DVL1: variants seen among roughly 807,000 people sequenced by gnomAD.
DVL1 encodes the protein segment polarity protein dishevelled homolog DVL-1.
DVL1 carries 49 observed loss-of-function variants against 65.0 expected under a neutral mutation model. The ratio of observed to expected loss-of-function variants is 0.75; its 90% CI spans 0.60 to 0.96. DVL1 has a LOEUF of 0.96. Among genes scored for constraint, DVL1 ranks in the 40% least tolerant of loss-of-function variants. The pLI is 0.00. For synonymous variants in DVL1, 608 were observed against 433.9 expected (o/e 1.40, Z -4.99); for missense variants, 1,197 against 1,045.4 (o/e 1.15, Z -2.00).
intron 14 of DVL1, chr1:1,336,981 G>A (rs1643599159): frequency 3.0e-6 from 3 of 991,866 alleles, no homozygotes; most frequent in Non-Finnish European, 3.6e-6. Flanking sequence ...GCTGGCTGGG[G>A]ACATGCTGAG....
At chr1:1,337,929 G>A in intron 14 of DVL1, 48 bp downstream of exon 14, 1 of 1,497,388 alleles carries the variant, frequency 6.7e-7, no homozygotes, top group Non-Finnish European at 9.2e-7. Context: ...GAGTGGGGCG[G>A]AGCTGGGGGC....
chr1:1,347,519 T>C (rs1183373443), intron 1 of DVL1, among the ~76,000 whole-genome samples: 1 of 152,196 alleles, frequency 6.6e-6, no homozygotes, highest in African/African-American at 2.4e-5. Flanking sequence ...GAGCAGAACC[T>C]GGGGGCTGGG....
rs1369403039 is a variant in DVL1 at position 1,338,012 on chromosome 1, T to TA, written c.1678dup (p.Tyr560LeufsTer12). ...CTGACTCCCGGTGCTGCCGCTGCCA[T>TA]AGCTAAAGCCCGGGTCCTGGTAGGC... On this transcript the variant is annotated frameshift_variant, in exon 14 of 15. Transcript: ENST00000378888. LOFTEE classifies it low-confidence loss of function (END_TRUNC). 1 of 1,611,892 alleles carries TA rather than the reference T, an allele frequency of 6.2e-7. No individual in the cohort carries two copies.
chr1:1,349,213 C>G lies in DVL1; in HGVS notation c.-148G>C, dbSNP rs1036242591. The G allele has an allele frequency of 1.5e-5, 5 of 337,000 alleles. No individual in the cohort carries two copies. The highest frequency in any genetic ancestry group is 9.1e-5 in the African/African-American group (4 of 43,878). The allele number at this position is 337,000 out of a possible 1,614,324, so 20.9% of individuals were successfully genotyped here. ...AGGCCCCCGGGCGCCCCCGCCCGAC[C>G]GCCCAGGCCCCGGCCGCCGCCCCCG... On this transcript the variant is annotated 5_prime_UTR_variant, in exon 1 of 15. Transcript: ENST00000378888. The surrounding 1 kb of genome is among the most constrained non-coding windows in gnomAD (Gnocchi z 4.1).
intron 5 of DVL1, among the ~76,000 whole-genome samples, chr1:1,341,056 CAT>C (rs1431815972): frequency 5.3e-5 from 8 of 150,410 alleles, no homozygotes; most frequent in South Asian, 2.1e-4. Flanking sequence ...CCTGCACACA[CAT>C]GCACACCTGC....
intron 2 of DVL1, 28 bp from the exon 3 acceptor site, chr1:1,342,512 G>A (rs1173198677): frequency 6.2e-7 from 1 of 1,603,314 alleles, no homozygotes. Flanking sequence ...ATGCTCAGGG[G>A]AGCCCACCCG....
intron 3 of DVL1, 88 bp downstream of exon 3, chr1:1,342,275 T>C (rs1643860850): frequency 1.3e-6 from 2 of 1,497,102 alleles, no homozygotes; most frequent in Non-Finnish European, 1.8e-6. Flanking sequence ...GCCCGCCTAC[T>C]GGCCCAGGCA....
At position 1,342,413 on chromosome 1, in the gene DVL1, C is replaced by T. The variant is rs760489981; in HGVS notation, c.312G>A (p.Pro104=). The T allele has an allele frequency of 1.1e-5, 17 of 1,592,328 alleles. No homozygotes were observed. The Admixed American group carries it at 1.4e-4, about 13-fold the overall frequency. Residue 104 remains proline, a synonymous_variant, in exon 3 of 15, where the codon CCG becomes CCA. Coordinates refer to ENST00000378888, the MANE Select transcript of DVL1 (RefSeq NM_001330311.2). ...CGATGCCGCCTGTCCGCTCAAGAGG[C>T]GGGGGCAGGTCTGTGTGGCTGTCCG... ...QGTDSHTDLP[P]PLERTGGIGD...
At chr1:1,342,269 GC>G in intron 3 of DVL1, 93 bp downstream of exon 3, 1 of 1,494,354 alleles carries the variant, frequency 6.7e-7, no homozygotes, top group Non-Finnish European at 8.9e-7. Flanking sequence ...TGCCACGCCC[GC>G]CTACTGGCCC....
chr1:1,346,879 G>A (rs1232995031), intron 1 of DVL1, among the ~76,000 whole-genome samples: 2 of 152,318 alleles, frequency 1.3e-5, no homozygotes, highest in East Asian at 3.9e-4. Flanking sequence ...ACATTCGCTT[G>A]GCATCCAGGG....
intron 13 of DVL1, 41 bp downstream of exon 13, chr1:1,338,228 T>TGGGC: frequency 1.3e-6 from 2 of 1,584,380 alleles, no homozygotes; most frequent in Non-Finnish European, 1.7e-6. Context: ...GCCTCCGGCG[T>TGGGC]TCCCCTCCCC....
At chr1:1,340,386 G>A (rs571850906) in intron 6 of DVL1, 24 bp downstream of exon 6, 11 of 1,612,332 alleles carry the variant, frequency 6.8e-6, no homozygotes, top group East Asian at 6.7e-5. Context: ...CCCCAGCCCC[G>A]CCCTGCTCCA....
At chr1:1,341,218 CGCACACAT>C (rs898652864) in intron 5 of DVL1, among the ~76,000 whole-genome samples, 14 of 151,100 alleles carry the variant, frequency 9.3e-5, no homozygotes, top group South Asian at 2.1e-4. Context: ...CACACGCACA[CGCACACAT>C]GCACACACCT....
rs1643977839 is a variant in DVL1 at position 1,349,227 on chromosome 1, C to T, written c.-162G>A. On this transcript the variant is annotated 5_prime_UTR_variant, in exon 1 of 15. Coordinates refer to ENST00000378888, the MANE Select transcript of DVL1 (RefSeq NM_001330311.2). This position sits in a 1 kb window ranked among gnomAD's most constrained non-coding sequence, Gnocchi z 4.1. Reference sequence around the variant, plus strand: ...CCCCGCCCGACCGCCCAGGCCCCGGCCGCCGCCCCCGGCTCCCGCGCGCGT... The same window carrying T: ...CCCCGCCCGACCGCCCAGGCCCCGGTCGCCGCCCCCGGCTCCCGCGCGCGT... The T allele has an allele frequency of 4.0e-6, 1 of 247,086 alleles. No homozygotes were observed. Among genetic ancestry groups the T allele is most frequent in the Non-Finnish European group, 6.3e-6 (1 of 158,352 alleles). 15.3% of individuals were successfully genotyped at this position (247,086 alleles called of 1,614,324 possible).
chr1:1,336,483 G>A lies in DVL1; in HGVS notation c.1747C>T (p.Arg583Cys), dbSNP rs781647592. Residue 583 changes from arginine (R) to cysteine (C), a missense_variant, in exon 15 of 15, where the codon CGC becomes TGC. Transcript: ENST00000378888. Reference sequence around the variant, plus strand: ...TCCTTCTCACGGCCCGGGGCCCGGCGGCTGCTCCGGGTGGACCCACTGCTT... The same window carrying A: ...TCCTTCTCACGGCCCGGGGCCCGGCAGCTGCTCCGGGTGGACCCACTGCTT... ...SKSSGSTRSS[R>C]RAPGREKERR... 42 of 1,544,302 alleles carry A rather than the reference G, an allele frequency of 2.7e-5. No homozygotes were observed. Among genetic ancestry groups the A allele is most frequent in the Non-Finnish European group, 3.4e-5 (39 of 1,154,540 alleles).
chr1:1,337,087 G>C, intron 14 of DVL1: 2 of 988,272 alleles, frequency 2.0e-6, no homozygotes, highest in Non-Finnish European at 2.4e-6. Flanking sequence ...GATAGCACGA[G>C]TTACACGCCC....
chr1:1,343,976 C>A (rs996815012), intron 1 of DVL1, among the ~76,000 whole-genome samples: 3 of 152,148 alleles, frequency 2.0e-5, no homozygotes, highest in Admixed American at 2.0e-4. Context: ...CGCAGAGGGT[C>A]AGGGGACACG....
Position 1,335,901 on chromosome 1 carries a change from G to T in DVL1, c.*241C>A. Reference sequence around the variant, plus strand: ...GGAGGGATCCCCACCAGACACAAGGGGTTGGGAGGTCCGAGGCTCTCGCTG... The same window carrying T: ...GGAGGGATCCCCACCAGACACAAGGTGTTGGGAGGTCCGAGGCTCTCGCTG... On this transcript the variant is annotated 3_prime_UTR_variant, in exon 15 of 15. Coordinates refer to ENST00000378888, the MANE Select transcript of DVL1 (RefSeq NM_001330311.2). The T allele has an allele frequency of 1.7e-6, 1 of 591,160 alleles. No homozygotes were observed. The highest frequency in any genetic ancestry group is 3.0e-6 in the Non-Finnish European group (1 of 334,800). The allele number at this position is 591,160 out of a possible 1,614,324, so 36.6% of individuals were successfully genotyped here.
In DVL1 at chr1:1,336,526, G is replaced by T; in HGVS notation, c.1715-11C>A. ...CACTGCTTTTGCTCCCTGGGAGTGA[G>T]AACAGGATGGGGAAGGAGCCTGTCA... On this transcript the variant is annotated splice_polypyrimidine_tract_variant and intron_variant, in intron 14 of 14. Coordinates refer to ENST00000378888, the MANE Select transcript of DVL1 (RefSeq NM_001330311.2). The T allele has an allele frequency of 6.7e-7, 1 of 1,500,776 alleles. No individual in the cohort carries two copies. The highest frequency in any genetic ancestry group is 1.3e-5 in the South Asian group (1 of 75,696). The allele number at this position is 1,500,776 out of a possible 1,614,324, so 93.0% of individuals were successfully genotyped here.
Sources: allele counts gnomAD v4.1 joint callset (sites outside exome capture counted in the v4.1 genomes callset), GRCh38; gene constraint gnomAD v4.1.1; non-coding constraint Gnocchi (gnomAD v3.1); transcripts MANE v1.5; gene names NCBI Gene and HGNC (gene_info 2026-07-23, HGNC 2026-07-21).